ELF1: variants seen among roughly 807,000 people sequenced by gnomAD.
ELF1 encodes the protein ETS-related transcription factor Elf-1.
ELF1 carries 24 observed loss-of-function variants against 59.9 expected under a neutral mutation model. That is an observed-to-expected ratio of 0.40 (90% CI 0.29 to 0.56). ELF1 has a LOEUF of 0.56. Among genes scored for constraint, ELF1 ranks in the 20% least tolerant of loss-of-function variants. The probability of loss-of-function intolerance (pLI) is 0.44; values close to 1 mark genes in which losing one functional copy is unlikely to be tolerated. For missense variants in ELF1, 627 were observed against 742.2 expected, an observed-to-expected ratio of 0.84 and a Z score of 1.80; for synonymous variants, 248 against 266.2, an observed-to-expected ratio of 0.93 and a Z score of 0.67.
chr13:41,000,367 G>A (rs566768770), intron 1 of ELF1, among the ~76,000 whole-genome samples: 2 of 146,816 alleles, frequency 1.4e-5, no homozygotes, highest in East Asian at 4.2e-4. Flanking sequence ...GGAACTACAG[G>A]CACGCCACCA....
In ELF1 at chr13:41,011,362, A is replaced by T. The variant is rs80305901; in HGVS notation, c.-229+7866T>A. On this transcript the variant is annotated intron_variant, in intron 1 of 8. Transcript: ENST00000239882. ...TATTTATTCATCTAGAAGTATGCCT[A>T]GATCTTCTTAGTTATTTGGGACAGA... Among the ~76,000 whole-genome samples the T allele has an allele frequency of 0.02, 3,027 of 152,294 alleles. 150 individuals are homozygous for T. The East Asian group carries it at 0.21, about 10-fold the overall frequency.
chr13:40,971,651 A>C lies in ELF1; in HGVS notation c.72+10332T>G, dbSNP rs9566639. Among the ~76,000 whole-genome samples, 392 of 152,354 alleles carry C rather than the reference A, an allele frequency of 2.6e-3. 5 individuals carry two copies. The East Asian group carries it at 0.05, about 19-fold the overall frequency. ...AATGGTCTTTTCTCCAGAATTCCCC[A>C]AGATAATGTTTGAAATTCCATTGCA... On this transcript the variant is annotated intron_variant, in intron 2 of 8. Transcript: ENST00000239882.
intron 1 of ELF1, among the ~76,000 whole-genome samples, chr13:41,012,996 A>G (rs1875166017): frequency 6.6e-6 from 1 of 152,200 alleles, no homozygotes; most frequent in Non-Finnish European, 1.5e-5. Context: ...ATTCAAAATT[A>G]TGTTTGAAAT....
rs1401998658 is a variant in ELF1, at chr13:40,933,610, T to C, written c.1675A>G (p.Thr559Ala). 2 of 1,614,210 alleles carry C rather than the reference T, an allele frequency of 1.2e-6. No homozygotes were observed. The highest frequency in any genetic ancestry group is 2.2e-5 in the South Asian group (2 of 91,084). ...TGTGTAAGAGTTTTTGTTTCTTGAGTTTTGATAACTGAAGTGATTACAGTG... is the reference window on the plus strand; with the variant it reads ...TGTGTAAGAGTTTTTGTTTCTTGAGCTTTGATAACTGAAGTGATTACAGTG... Reference protein sequence around the residue: ...PGTVITSVIKTQETKTLTQEV... With the variant: ...PGTVITSVIKAQETKTLTQEV... Residue 559 changes from threonine (T) to alanine (A), a missense_variant, in exon 9 of 9, where the codon ACT (threonine) becomes GCT (alanine). Thr to Ala is a moderately conservative substitution (Grantham distance 58). Around this residue, in one of 3 missense-constraint regions of ELF1, gnomAD observed 361 missense variants for 396.1 expected, o/e 0.91. Coordinates refer to ENST00000239882, the MANE Select transcript of ELF1 (RefSeq NM_172373.4).
In ELF1 at chr13:40,949,972, A is replaced by T; in HGVS notation, c.363T>A (p.Asn121Lys). ...PGPMLDEKRINNNIFSSPEDD... is the reference protein window; with the variant it reads ...PGPMLDEKRIKNNIFSSPEDD... ...CTTCAGGTGAACTAAATATATTATT[A>T]TCTAATGAAAATAAAATCAACTAAT... Residue 121 changes from asparagine (N) to lysine (K), a missense_variant and splice_region_variant, in exon 5 of 9, where the codon AAT (asparagine) becomes AAA (lysine). Coordinates refer to ENST00000239882, the MANE Select transcript of ELF1 (RefSeq NM_172373.4). 6.2e-7 allele frequency: 1 copy of T among 1,602,120 alleles called. No homozygotes were observed. Among genetic ancestry groups the T allele is most frequent in the African/African-American group, 1.3e-5 (1 of 74,262 alleles).
chr13:41,044,140 T>C (rs548909260), intron 1 of ELF1, among the ~76,000 whole-genome samples: 15 of 152,362 alleles, frequency 9.8e-5, no homozygotes, highest in Middle Eastern at 3.4e-3. Flanking sequence ...TTTTGCACAT[T>C]GATTTTGTAT....
At chr13:41,001,066 T>C (rs1874406707) in intron 1 of ELF1, among the ~76,000 whole-genome samples, 1 of 110,344 alleles carries the variant, frequency 9.1e-6, no homozygotes, top group African/African-American at 3.5e-5. Flanking sequence ...AACCTCCACC[T>C]CCCGGGTTCA....
intron 8 of ELF1, among the ~76,000 whole-genome samples, chr13:40,937,614 C>T (rs534282719): frequency 2.0e-5 from 3 of 151,734 alleles, no homozygotes; most frequent in East Asian, 3.9e-4. Flanking sequence ...GGATTACAGG[C>T]GCCCGCCACT....
chr13:41,053,688 G>T (rs150175041), intron 1 of ELF1, among the ~76,000 whole-genome samples: 2,962 of 152,316 alleles, frequency 0.019, 40 homozygotes, highest in Non-Finnish European at 0.031. Context: ...CATCTCTTAG[G>T]AAAGTTTTAT....
intron 2 of ELF1, among the ~76,000 whole-genome samples, chr13:40,976,884 A>G (rs1872943167): frequency 2.0e-5 from 3 of 152,164 alleles, no homozygotes; most frequent in Non-Finnish European, 4.4e-5. Flanking sequence ...AGTCGGAGGA[A>G]GCCAATTTAC....
chr13:41,005,995 T>C (rs1404232871), intron 1 of ELF1, among the ~76,000 whole-genome samples: 3 of 152,194 alleles, frequency 2.0e-5, no homozygotes, highest in Admixed American at 1.3e-4. Context: ...TATTCCATTC[T>C]AGGTCAATGT....
intron 1 of ELF1, among the ~76,000 whole-genome samples, chr13:41,008,701 T>C (rs953021988): frequency 6.6e-6 from 1 of 152,222 alleles, no homozygotes; most frequent in African/African-American, 2.4e-5. Context: ...TAGCATTTGT[T>C]GATGAGCTTT....
chr13:40,949,897 C>A lies in ELF1; in HGVS notation c.438G>T (p.Gly146=), dbSNP rs1870744261. The change falls in exon 5 of 9, where the codon GGG becomes GGT. Residue 146 remains glycine (G), a synonymous_variant. Coordinates refer to ENST00000239882, the MANE Select transcript of ELF1 (RefSeq NM_172373.4). ...GCTGTGTTTCCATCACTTCAGGAAT[C>A]CCATCTAATGTGACGGACACATGGG... The part of the protein sequence containing the change: ...PVTHVSVTLD[G]IPEVMETQQV... The A allele has an allele frequency of 6.2e-7, 1 of 1,614,092 alleles. No individual in the cohort carries two copies. Among genetic ancestry groups the A allele is most frequent in the African/African-American group, 1.3e-5 (1 of 75,000 alleles).
upstream of ELF1, chr13:41,019,472 G>A (rs963361096): frequency 9.8e-6 from 8 of 814,886 alleles, no homozygotes; most frequent in Non-Finnish European, 1.2e-5. Context: ...GGATGAAGAG[G>A]CAAGGAGCAA....
At chr13:40,973,590 T>A (rs955566293) in intron 2 of ELF1, among the ~76,000 whole-genome samples, 23 of 152,040 alleles carry the variant, frequency 1.5e-4, no homozygotes, top group African/African-American at 5.3e-4. Flanking sequence ...GTGTCAAATG[T>A]TAGGGGAAAT....
At chr13:40,951,877 A>C (rs549538894) in intron 3 of ELF1, among the ~76,000 whole-genome samples, 1 of 152,120 alleles carries the variant, frequency 6.6e-6, no homozygotes, top group Non-Finnish European at 1.5e-5. Context: ...AAAAAAAAAA[A>C]ACAGAAACTA....
chr13:40,959,094 A>G (rs1451495312), intron 2 of ELF1, 78 bp from the exon 3 acceptor site: 1 of 1,471,790 alleles, frequency 6.8e-7, no homozygotes, highest in Non-Finnish European at 9.0e-7. Flanking sequence ...GCTCAAAACT[A>G]TTTTATACTA....
At chr13:40,950,598 C>A (rs9594463) in intron 4 of ELF1, among the ~76,000 whole-genome samples, 30,588 of 151,996 alleles carry the variant, frequency 0.2, 3,587 homozygotes, top group African/African-American at 0.31. Flanking sequence ...ATTTACAGCC[C>A]AGGTCAGAAT....
intron 5 of ELF1, among the ~76,000 whole-genome samples, chr13:40,944,812 G>A (rs147008490): frequency 3.7e-3 from 568 of 152,150 alleles, no homozygotes; most frequent in Non-Finnish European, 5.7e-3. Context: ...TTAGATTACT[G>A]TGGTGAATTA....
Sources: gnomAD v4.1 joint callset for allele counts (sites outside exome capture counted in the v4.1 genomes callset) on GRCh38, gnomAD v4.1.1 for gene constraint, gnomAD v4.1.1 regional missense constraint, MANE v1.5 for transcripts, NCBI Gene and HGNC (gene_info 2026-07-23, HGNC 2026-07-21) for gene names.